ITGA11: variants seen among roughly 807,000 people sequenced by gnomAD.
ITGA11 encodes the protein integrin alpha-11.
ITGA11 carries 97 observed loss-of-function variants against 141.9 expected under a neutral mutation model. The observed-to-expected ratio is 0.68, with a 90% CI of 0.58 to 0.81. ITGA11 has a LOEUF of 0.81. ITGA11 is among the 30% of genes least tolerant of loss of function. The probability of loss-of-function intolerance (pLI) is 0.00; values close to 1 mark genes in which losing one functional copy is unlikely to be tolerated. For missense variants in ITGA11, 1,387 were observed against 1,559.2 expected, an observed-to-expected ratio of 0.89 and a Z score of 1.86; for synonymous variants, 658 against 624.6, an observed-to-expected ratio of 1.05 and a Z score of -0.80.
At chr15:68,310,914 G>A (rs989666138) in intron 26 of ITGA11, 80 bp downstream of exon 26, 38 of 1,069,118 alleles carry the variant, frequency 3.6e-5, no homozygotes, top group Middle Eastern at 2.1e-4. Context: ...CTATTGGGTC[G>A]GGAGGGAAAT....
At position 68,348,879 on chromosome 15, in the gene ITGA11, G is replaced by C; in HGVS notation, c.1082C>G (p.Ser361Cys). 6.2e-7 allele frequency: 1 copy of C among 1,608,622 alleles called. No homozygotes were observed. The highest frequency in any genetic ancestry group is 8.5e-7 in the Non-Finnish European group (1 of 1,177,564). The stretch of plus-strand genomic sequence containing the variant: ...CGTCTGTGACATCTCCAGCCCAAAG[G>C]AGGTCTCGTTCTTGTTGGTGCCTGC... ...SLEGTNKNET[S>C]FGLEMSQTGF... The change falls in exon 10 of 30, where the codon TCC becomes TGC. Residue 361 changes from serine to cysteine, a missense_variant. Physicochemically the swap from Ser to Cys is moderately radical, Grantham distance 112. Transcript: ENST00000315757.
chr15:68,351,622 T>C (rs1026431539), intron 7 of ITGA11, among the ~76,000 whole-genome samples: 2 of 152,188 alleles, frequency 1.3e-5, no homozygotes, highest in South Asian at 2.1e-4. Flanking sequence ...TGTTTTTAAA[T>C]GAAATGTTGA....
At chr15:68,406,664 C>T (rs776425409) in intron 1 of ITGA11, among the ~76,000 whole-genome samples, 7 of 152,144 alleles carry the variant, frequency 4.6e-5, no homozygotes, top group Non-Finnish European at 8.8e-5. Flanking sequence ...CTAAGTGCCA[C>T]GGGACTCTGC....
chr15:68,384,047 G>A (rs570698491), intron 2 of ITGA11, among the ~76,000 whole-genome samples: 4 of 152,066 alleles, frequency 2.6e-5, no homozygotes, highest in East Asian at 3.9e-4. Context: ...GAGATTGTGC[G>A]TCTTACCTCT....
Position 68,307,209 on chromosome 15 carries a change from C to T in ITGA11, c.3381+139G>A. The stretch of plus-strand genomic sequence containing the variant: ...TCCCTCTTTTCAGCGGCTGCCCTAA[C>T]AGCCCACAGGTCTGCCTGATTCTCT... On this transcript the variant is annotated intron_variant, in intron 28 of 29. Coordinates refer to ENST00000315757, the MANE Select transcript of ITGA11 (RefSeq NM_001004439.2). The surrounding 1 kb of genome is among the most constrained non-coding windows in gnomAD (Gnocchi z 6.1). 1.6e-6 allele frequency: 1 copy of T among 639,974 alleles called. No individual in the cohort carries two copies. The highest frequency in any genetic ancestry group is 2.7e-6 in the Non-Finnish European group (1 of 371,760). The allele number at this position is 639,974 out of a possible 1,614,324, so 39.6% of individuals were successfully genotyped here.
At chr15:68,350,502 T>C (rs1894871203) in intron 9 of ITGA11, 115 bp downstream of exon 9, 1 of 1,017,596 alleles carries the variant, frequency 9.8e-7, no homozygotes, top group Non-Finnish European at 1.4e-6. Flanking sequence ...GCATTTATTA[T>C]TACGGAAGAC....
chr15:68,332,431 G>T lies in ITGA11; in HGVS notation c.1473C>A (p.Gly491=). 6.2e-7 allele frequency: 1 copy of T among 1,611,600 alleles called. No homozygotes were observed. Among genetic ancestry groups the T allele is most frequent in the Non-Finnish European group, 8.5e-7 (1 of 1,179,062 alleles). ...CCAGCAGGACATCAGTCACGCCGTC[G>T]CCGTCGATGTCCACCGAGGTGATTT... ...GSEITSVDID[G]DGVTDVLLVG... is the part of the protein sequence containing the mutation. Residue 491 remains glycine (G), a synonymous_variant, in exon 13 of 30, where the codon GGC becomes GGA. Coordinates refer to ENST00000315757, the MANE Select transcript of ITGA11 (RefSeq NM_001004439.2).
At position 68,320,283 on chromosome 15, in the gene ITGA11, C is replaced by T. The variant is rs1003005838; in HGVS notation, c.2518G>A (p.Val840Met). The T allele has an allele frequency of 3.1e-6, 5 of 1,614,008 alleles. No homozygotes were observed. Among genetic ancestry groups the T allele is most frequent in the Non-Finnish European group, 4.2e-6 (5 of 1,179,880 alleles). ...IIESTRQRVAVEATLENRGEN... is the reference protein window; with the variant it reads ...IIESTRQRVAMEATLENRGEN... ...CCCCTGTTCTCCAGTGTGGCCTCCA[C>T]CGCCACTCGCTGGCGTGTGCTCTCT... Residue 840 changes from valine to methionine, a missense_variant, in exon 20 of 30, where the codon GTG becomes ATG. Val to Met is a conservative substitution (Grantham distance 21, BLOSUM62 1). Coordinates refer to ENST00000315757, the MANE Select transcript of ITGA11 (RefSeq NM_001004439.2).
rs537920315 is a variant in ITGA11, at chr15:68,380,713, A to G, written c.165-11429T>C. Among the ~76,000 whole-genome samples, 26 of 152,276 alleles carry G rather than the reference A, an allele frequency of 1.7e-4. 1 individual carries two copies. In the South Asian group the frequency reaches 4.8e-3, roughly 28 times the overall value. On this transcript the variant is annotated intron_variant, in intron 2 of 29. Transcript: ENST00000315757. ...CCGCATGGTGCCGGCGCTCATGTGC[A>G]TTATTTCTATGCTGCCTTCCATGAT... is the stretch of plus-strand genomic sequence containing the variant.
Position 68,350,695 on chromosome 15 carries a change from G to C in ITGA11, c.982C>G (p.His328Asp). 6.2e-7 allele frequency: 1 copy of C among 1,613,894 alleles called. No homozygotes were observed. Among genetic ancestry groups the C allele is most frequent in the Non-Finnish European group, 8.5e-7 (1 of 1,179,832 alleles). Reference sequence around the variant, plus strand: ...GCCTCATCAGTGACATTGAAGAAGTGCTTGTCATCAGGGTCACTGGCGATG... The same window carrying C: ...GCCTCATCAGTGACATTGAAGAAGTCCTTGTCATCAGGGTCACTGGCGATG... ...KYIASDPDDK[H>D]FFNVTDEAAL... Residue 328 changes from histidine (H) to aspartate (D), a missense_variant, in exon 9 of 30, where the codon CAC becomes GAC. By Grantham distance (81) the His-to-Asp change is moderately conservative. Transcript: ENST00000315757.
intron 2 of ITGA11, among the ~76,000 whole-genome samples, chr15:68,380,608 G>A (rs1895836595): frequency 2.0e-5 from 3 of 152,176 alleles, no homozygotes; most frequent in Non-Finnish European, 4.4e-5. Context: ...CTTCCTGGAG[G>A]GGGCAACTCC....
Position 68,328,261 on chromosome 15 carries a change from A to AC in ITGA11, c.1902dup (p.Ser635ValfsTer14). ...GCATTGATCTGAACCACTGGGCGGG[A>AC]CCTGGAGGAGAAGGGCCAGTGAGCT... On this transcript the variant is annotated frameshift_variant and splice_region_variant, in exon 16 of 30. Coordinates refer to ENST00000315757, the MANE Select transcript of ITGA11 (RefSeq NM_001004439.2). LOFTEE classifies it high-confidence loss of function. This position sits in a 1 kb window ranked among gnomAD's most constrained non-coding sequence, Gnocchi z 4.8. 4 of 1,612,740 alleles carry AC rather than the reference A, an allele frequency of 2.5e-6. No individual in the cohort carries two copies. Among genetic ancestry groups the AC allele is most frequent in the Non-Finnish European group, 3.4e-6 (4 of 1,179,220 alleles).
chr15:68,427,828 G>A (rs1897180197), intron 1 of ITGA11, among the ~76,000 whole-genome samples: 1 of 152,096 alleles, frequency 6.6e-6, no homozygotes, highest in Non-Finnish European at 1.5e-5. Flanking sequence ...GAAGATGTGT[G>A]GGTGTCTTTG....
chr15:68,414,159 G>A (rs1896836862), intron 1 of ITGA11, among the ~76,000 whole-genome samples: 2 of 152,196 alleles, frequency 1.3e-5, no homozygotes, highest in African/African-American at 4.8e-5. Context: ...TAGGGCAAGT[G>A]GGCAGGAGGG....
At chr15:68,329,734 C>A (rs995823600) in intron 15 of ITGA11, among the ~76,000 whole-genome samples, 1 of 152,208 alleles carries the variant, frequency 6.6e-6, no homozygotes, top group Non-Finnish European at 1.5e-5. Flanking sequence ...ACCTTGCAAG[C>A]CCAGGCTGCT....
intron 4 of ITGA11, among the ~76,000 whole-genome samples, chr15:68,362,935 TGAATGGATGATGGATGAATGGA>T (rs1347246955): frequency 1.5e-3 from 17 of 11,698 alleles, no homozygotes; most frequent in Non-Finnish European, 3.7e-3. Context: ...GGATGATGGA[TGAATGGATGATGGATGAATGGA>T]TGATGGATGA....
At position 68,316,245 on chromosome 15, in the gene ITGA11, C is replaced by T. The variant is rs189843366; in HGVS notation, c.2716-518G>A. On this transcript the variant is annotated intron_variant, in intron 21 of 29. Coordinates refer to ENST00000315757, the MANE Select transcript of ITGA11 (RefSeq NM_001004439.2). ...CCACCCAGCAGGCCAACAAGGCATC[C>T]GCCCCTTGTCTGGCAGCGCTTCTGC... Among the ~76,000 whole-genome samples the T allele has an allele frequency of 3.9e-5, 6 of 152,326 alleles. No homozygotes were observed. The East Asian group carries it at 9.7e-4, about 25-fold the overall frequency.
rs111776164 is a variant in ITGA11 at position 68,308,761 on chromosome 15, G to GAAAAAAAAAGAAAAGAAAAGA, written c.3175-1066_3175-1065insTCTTTTCTTTTCTTTTTTTTT. 7.3e-6 allele frequency among the ~76,000 whole-genome samples: 1 copy of GAAAAAAAAAGAAAAGAAAAGA among 137,668 alleles called. No homozygotes were observed. 90.3% of individuals were successfully genotyped at this position (137,668 alleles called of 152,430 possible). ...TGTCTCAAAAGAAAAGAAAAGAAAA[G>GAAAAAAAAAGAAAAGAAAAGA]AAAGAAAAGAAAAGAAAAGAAAAGG... On this transcript the variant is annotated intron_variant, in intron 26 of 29. Coordinates refer to ENST00000315757, the MANE Select transcript of ITGA11 (RefSeq NM_001004439.2). This position sits in a 1 kb window ranked among gnomAD's most constrained non-coding sequence, Gnocchi z 5.2.
At chr15:68,399,278 C>A (rs1451285183) in intron 2 of ITGA11, among the ~76,000 whole-genome samples, 2 of 152,108 alleles carry the variant, frequency 1.3e-5, no homozygotes, top group Admixed American at 6.6e-5. Flanking sequence ...GAGCTATCAT[C>A]TCACACCAGT....
Sources: gnomAD v4.1 joint callset for allele counts (sites outside exome capture counted in the v4.1 genomes callset) on GRCh38, gnomAD v4.1.1 for gene constraint, Gnocchi (gnomAD v3.1) non-coding constraint, MANE v1.5 for transcripts, NCBI Gene and HGNC (gene_info 2026-07-23, HGNC 2026-07-21) for gene names.